PCCA: variants seen among roughly 807,000 people sequenced by gnomAD.
The protein encoded by PCCA is propionyl-CoA carboxylase subunit alpha, also known as propionyl-CoA carboxylase alpha chain, mitochondrial.
In PCCA, 74 loss-of-function variants were observed where a neutral mutation model predicts 101.3. The ratio of observed to expected loss-of-function variants is 0.73; its 90% CI spans 0.61 to 0.89. PCCA has a LOEUF of 0.89. PCCA is among the 40% of genes least tolerant of loss of function. PCCA has a pLI of 0.00. For synonymous variants in PCCA, 294 were observed against 313.6 expected (o/e 0.94, Z 0.66); for missense variants, 891 against 907.0 (o/e 0.98, Z 0.23).
intron 4 of PCCA, among the ~76,000 whole-genome samples, chr13:100,127,638 A>G (rs906106922): frequency 6.6e-6 from 1 of 151,724 alleles, no homozygotes; most frequent in Non-Finnish European, 1.5e-5. Flanking sequence ...CACGCCCGTA[A>G]TCCCAGCACT....
At chr13:100,232,460 A>G (rs750168961) in intron 7 of PCCA, among the ~76,000 whole-genome samples, 2 of 151,376 alleles carry the variant, frequency 1.3e-5, no homozygotes, top group South Asian at 2.1e-4. Flanking sequence ...GGCTCACTGC[A>G]GCTCTGACCT....
chr13:100,356,868 G>A (rs963240453), intron 18 of PCCA, among the ~76,000 whole-genome samples: 2 of 152,162 alleles, frequency 1.3e-5, no homozygotes, highest in Non-Finnish European at 2.9e-5. Context: ...TACGTTCATA[G>A]AATGGATTAT....
At chr13:100,216,002 G>A (rs1416194663) in intron 7 of PCCA, among the ~76,000 whole-genome samples, 2 of 152,066 alleles carry the variant, frequency 1.3e-5, no homozygotes, top group African/African-American at 2.4e-5. Context: ...TAAATGCTAT[G>A]TAAATAGTTG....
chr13:100,338,251 A>G (rs1429277262), intron 17 of PCCA, among the ~76,000 whole-genome samples: 1 of 152,186 alleles, frequency 6.6e-6, no homozygotes, highest in African/African-American at 2.4e-5. Context: ...GTGATTATAT[A>G]TATTGATATT....
At position 100,520,792 on chromosome 13, in the gene PCCA, A is replaced by T. The variant is rs143806202; in HGVS notation, c.2040+5225A>T. 1.6e-3 allele frequency among the ~76,000 whole-genome samples: 243 copies of T among 152,204 alleles called. 1 individual carries two copies. Among genetic ancestry groups the T allele is most frequent in the Non-Finnish European group, 2.2e-4 (15 of 68,002 alleles). ...ATATACTCAATGATAATTATAAAAT[A>T]AAAAATATTTATGTGGATCAGTATA... is the stretch of plus-strand genomic sequence containing the variant. On this transcript the variant is annotated intron_variant, in intron 22 of 23. Transcript: ENST00000376285.
Position 100,257,657 on chromosome 13 carries a change from G to C in PCCA, c.700G>C (p.Asp234His), listed in dbSNP as rs1194621938. The part of the protein sequence containing the change: ...GGGKGMRIAW[D>H]DEETRDGFRL... ...TGGGAAAGGCATGCGCATTGCTTGG[G>C]ATGATGAAGAGACCAGGTGAGAGGC... is the stretch of plus-strand genomic sequence containing the variant. The change falls in exon 9 of 24, where the codon GAT becomes CAT. Residue 234 changes from aspartate (D) to histidine (H), a missense_variant. By Grantham distance (81) the Asp-to-His change is moderately conservative. Transcript: ENST00000376285. 1 of 1,613,078 alleles carries C rather than the reference G, an allele frequency of 6.2e-7. No individual in the cohort carries two copies. The highest frequency in any genetic ancestry group is 1.3e-5 in the African/African-American group (1 of 74,896).
At chr13:100,174,028 C>T (rs1028290742) in intron 6 of PCCA, among the ~76,000 whole-genome samples, 1 of 152,076 alleles carries the variant, frequency 6.6e-6, no homozygotes, top group African/African-American at 2.4e-5. Flanking sequence ...GGTATTTCTT[C>T]ATAGCAGTAT....
At chr13:100,325,296 A>T (rs1170411014) in intron 16 of PCCA, among the ~76,000 whole-genome samples, 1 of 152,190 alleles carries the variant, frequency 6.6e-6, no homozygotes, top group Admixed American at 6.5e-5. Context: ...TGAAGTTGTT[A>T]TATGACAACT....
intron 21 of PCCA, among the ~76,000 whole-genome samples, chr13:100,487,850 T>A (rs1477556002): frequency 3.0e-4 from 46 of 151,822 alleles, no homozygotes; most frequent in Admixed American, 3.0e-3. Context: ...CTCAGTTCAC[T>A]AAGCAGCTGG....
At chr13:100,380,871 A>G (rs2076186295) in intron 19 of PCCA, among the ~76,000 whole-genome samples, 1 of 152,252 alleles carries the variant, frequency 6.6e-6, no homozygotes, top group Non-Finnish European at 1.5e-5. Context: ...TAAAATACAT[A>G]AAGAACACTT....
intron 6 of PCCA, among the ~76,000 whole-genome samples, chr13:100,192,345 G>T (rs1046396592): frequency 1.3e-5 from 2 of 152,138 alleles, no homozygotes; most frequent in Non-Finnish European, 2.9e-5. Flanking sequence ...GTGCACCTCT[G>T]TCTTGTCCAT....
intron 21 of PCCA, among the ~76,000 whole-genome samples, chr13:100,475,268 A>G (rs938617386): frequency 2.6e-5 from 4 of 152,106 alleles, no homozygotes; most frequent in African/African-American, 9.7e-5. Flanking sequence ...GTAATATTTT[A>G]AAACATTTTC....
chr13:100,465,829 T>C (rs9300603), intron 21 of PCCA, among the ~76,000 whole-genome samples: 17,695 of 152,270 alleles, frequency 0.12, 1,834 homozygotes, highest in African/African-American at 0.28. Flanking sequence ...AAAGTACACA[T>C]GTCATGACCT....
chr13:100,280,156 G>A (rs750252887), intron 12 of PCCA, among the ~76,000 whole-genome samples: 4 of 151,982 alleles, frequency 2.6e-5, no homozygotes, highest in East Asian at 1.9e-4. Context: ...AGTTGGTTCC[G>A]TTGACTGGTT....
chr13:100,172,220 A>G (rs2055755671), intron 6 of PCCA, among the ~76,000 whole-genome samples: 1 of 150,818 alleles, frequency 6.6e-6, no homozygotes, highest in Non-Finnish European at 1.5e-5. Flanking sequence ...AAAAAAATTT[A>G]CCTTTCAGTG....
At chr13:100,443,174 G>A (rs2080507449) in intron 20 of PCCA, among the ~76,000 whole-genome samples, 1 of 152,104 alleles carries the variant, frequency 6.6e-6, no homozygotes, top group East Asian at 1.9e-4. Context: ...GGCACCGTCT[G>A]TTTCTATGGG....
intron 20 of PCCA, among the ~76,000 whole-genome samples, chr13:100,443,276 C>T (rs958080339): frequency 1.3e-5 from 2 of 152,042 alleles, no homozygotes; most frequent in Non-Finnish European, 1.5e-5. Context: ...CATAGTGAGA[C>T]CTTGTCTCTA....
intron 6 of PCCA, among the ~76,000 whole-genome samples, chr13:100,208,665 A>G (rs937377363): frequency 1.3e-5 from 2 of 152,120 alleles, no homozygotes; most frequent in African/African-American, 4.8e-5. Context: ...AGTGGCATAA[A>G]CAAGAGAGGT....
In PCCA at chr13:100,451,164, C is replaced by T. The variant is rs546274797; in HGVS notation, c.1899+1859C>T. Among the ~76,000 whole-genome samples, 3 of 152,170 alleles carry T rather than the reference C, an allele frequency of 2.0e-5. No homozygotes were observed. In the East Asian group the frequency reaches 5.8e-4, roughly 29 times the overall value. ...TTTAACGGGTTGGATGAGGCCCACC[C>T]ACTGTGGAGGGTGATCTGCTAAACT... On this transcript the variant is annotated intron_variant, in intron 21 of 23. Transcript: ENST00000376285.
Sources: allele counts gnomAD v4.1 joint callset (sites outside exome capture counted in the v4.1 genomes callset), GRCh38; gene constraint gnomAD v4.1.1; transcripts MANE v1.5; gene names NCBI Gene and HGNC (gene_info 2026-07-23, HGNC 2026-07-21).